Variants in SLC25A25 observed in about 807,000 individuals in gnomAD.
SLC25A25 encodes mitochondrial adenyl nucleotide antiporter SLC25A25.
SLC25A25 carries 32 observed loss-of-function variants against 57.7 expected under a neutral mutation model. That is an observed-to-expected ratio of 0.55 (90% CI 0.42 to 0.74). SLC25A25 has a LOEUF of 0.74. Among genes scored for constraint, SLC25A25 ranks in the 30% least tolerant of loss-of-function variants. The probability of loss-of-function intolerance (pLI) is 0.00; values close to 1 mark genes in which losing one functional copy is unlikely to be tolerated. For missense variants in SLC25A25, 556 were observed against 701.3 expected (o/e 0.79, Z 2.34); for synonymous variants, 306 against 291.2 (o/e 1.05, Z -0.52).
chr9:128,071,118 T>G (rs1564175758), intron 1 of SLC25A25, among the ~76,000 whole-genome samples: 1 of 152,240 alleles, frequency 6.6e-6, no homozygotes, highest in Non-Finnish European at 1.5e-5. Context: ...CCATGCTTTG[T>G]GCATCAACTA....
chr9:128,071,748 G>A (rs369059172), intron 1 of SLC25A25, among the ~76,000 whole-genome samples: 2 of 151,104 alleles, frequency 1.3e-5, no homozygotes, highest in African/African-American at 2.4e-5. Context: ...GAAGCAGTCC[G>A]CTCTGTCGCC....
chr9:128,094,603 A>T (rs1049559300), intron 1 of SLC25A25: 6 of 152,222 alleles, frequency 3.9e-5, no homozygotes, highest in Admixed American at 2.6e-4. Flanking sequence ...AAGCTTCCTC[A>T]TATTAATATT....
intron 1 of SLC25A25, among the ~76,000 whole-genome samples, chr9:128,080,915 G>C (rs1833142818): frequency 6.6e-6 from 1 of 152,136 alleles, no homozygotes; most frequent in South Asian, 2.1e-4. Context: ...ATTGTAGGGG[G>C]GATCTTAGGG....
At chr9:128,100,242 C>G (rs375766577) in intron 1 of SLC25A25, among the ~76,000 whole-genome samples, 24 of 152,118 alleles carry the variant, frequency 1.6e-4, no homozygotes, top group African/African-American at 5.1e-4. Context: ...GCACGCCCTG[C>G]GGCCGGTGCT....
chr9:128,081,343 T>C lies in SLC25A25; in HGVS notation c.261+12763T>C, dbSNP rs1277107299. Among the ~76,000 whole-genome samples, 4 of 152,226 alleles carry C rather than the reference T, an allele frequency of 2.6e-5. No individual in the cohort carries two copies. In the South Asian group the frequency reaches 8.3e-4, roughly 31 times the overall value. Reference sequence around the variant, plus strand: ...GTGAGTGCAATCCTGAGATCTGTTTTCAGAAACTAAAAACATTTTATGTTG... The same window carrying C: ...GTGAGTGCAATCCTGAGATCTGTTTCCAGAAACTAAAAACATTTTATGTTG... On this transcript the variant is annotated intron_variant, in intron 1 of 10. Coordinates refer to ENST00000373069, the MANE Select transcript of SLC25A25 (RefSeq NM_001330988.2).
chr9:128,098,853 A>G (rs1833662213), intron 1 of SLC25A25: 1 of 1,505,224 alleles, frequency 6.6e-7, no homozygotes, highest in Non-Finnish European at 8.8e-7. Flanking sequence ...GTTTTTTCCC[A>G]TTGCCATGCG....
chr9:128,073,025 A>G (rs747724423), intron 1 of SLC25A25, among the ~76,000 whole-genome samples: 6 of 152,222 alleles, frequency 3.9e-5, no homozygotes, highest in Middle Eastern at 3.2e-3. Flanking sequence ...CATCCACACC[A>G]TCTCTTTTGA....
intron 1 of SLC25A25, among the ~76,000 whole-genome samples, chr9:128,070,875 G>A (rs937933835): frequency 1.8e-4 from 27 of 151,020 alleles, no homozygotes; most frequent in African/African-American, 3.2e-4. Flanking sequence ...GCTTGAACCC[G>A]GGAGGCGGAG....
intron 1 of SLC25A25, among the ~76,000 whole-genome samples, chr9:128,090,809 C>CTCAA (rs534661405): frequency 3.6e-4 from 55 of 152,316 alleles, no homozygotes; most frequent in African/African-American, 1.0e-3. Context: ...GAGACTCCAT[C>CTCAA]TCAATCAATC....
At chr9:128,072,283 C>A (rs1320866590) in intron 1 of SLC25A25, among the ~76,000 whole-genome samples, 1 of 152,156 alleles carries the variant, frequency 6.6e-6, no homozygotes, top group Non-Finnish European at 1.5e-5. Context: ...TGAGGCTTTG[C>A]AGAACTAGCA....
At position 128,101,910 on chromosome 9, in the gene SLC25A25, A is replaced by G. The variant is rs1588785077; in HGVS notation, c.477-170A>G. Reference sequence around the variant, plus strand: ...CTTCCGGAAACCCTGCGGTCTGAACACTGGCTGGTCCTCGGGGACAGCAGC... The same window carrying G: ...CTTCCGGAAACCCTGCGGTCTGAACGCTGGCTGGTCCTCGGGGACAGCAGC... On this transcript the variant is annotated intron_variant, in intron 3 of 10. Coordinates refer to ENST00000373069, the MANE Select transcript of SLC25A25 (RefSeq NM_001330988.2). The surrounding 1 kb of genome is among the most constrained non-coding windows in gnomAD (Gnocchi z 4.9). Among the ~76,000 whole-genome samples, 1 of 152,282 alleles carries G rather than the reference A, an allele frequency of 6.6e-6. No individual in the cohort carries two copies. The highest frequency in any genetic ancestry group is 2.1e-4 in the South Asian group (1 of 4,828).
chr9:128,070,723 G>A (rs187767376), intron 1 of SLC25A25, among the ~76,000 whole-genome samples: 13 of 151,284 alleles, frequency 8.6e-5, no homozygotes, highest in Admixed American at 4.6e-4. Context: ...AGGCCAAGCC[G>A]GGTGGATCAC....
intron 1 of SLC25A25, chr9:128,098,337 C>A: frequency 1.5e-6 from 1 of 688,526 alleles, no homozygotes; most frequent in Non-Finnish European, 2.1e-6. Context: ...GTGCCTCTCA[C>A]TTGAGCAACC....
At chr9:128,085,131 A>G (rs1833247287) in intron 1 of SLC25A25, among the ~76,000 whole-genome samples, 1 of 152,180 alleles carries the variant, frequency 6.6e-6, no homozygotes, top group South Asian at 2.1e-4. Flanking sequence ...AGAGCTCAAG[A>G]CCATCCTGGC....
intron 1 of SLC25A25, among the ~76,000 whole-genome samples, chr9:128,079,847 C>T (rs982163216): frequency 9.9e-5 from 15 of 151,906 alleles, no homozygotes; most frequent in Non-Finnish European, 1.6e-4. Context: ...AAAAATTAGC[C>T]GGGTATGGTG....
chr9:128,091,571 C>T (rs1833407295), intron 1 of SLC25A25: 1 of 1,045,100 alleles, frequency 9.6e-7, no homozygotes. Context: ...TAAAAAAAAG[C>T]CAAACGTTTG....
intron 1 of SLC25A25, among the ~76,000 whole-genome samples, chr9:128,072,706 G>A (rs1167233394): frequency 6.6e-6 from 1 of 152,152 alleles, no homozygotes; most frequent in African/African-American, 2.4e-5. Flanking sequence ...ACAAAAAAAG[G>A]GAAGAGTTCA....
chr9:128,090,777 G>A lies in SLC25A25; in HGVS notation c.262-10319G>A, dbSNP rs143384765. Among the ~76,000 whole-genome samples, 282 of 152,258 alleles carry A rather than the reference G, an allele frequency of 1.9e-3. 1 individual carries two copies. The highest frequency in any genetic ancestry group is 6.6e-3 in the African/African-American group (275 of 41,552). ...CGTTGAGCCAAGAGCGACCCACTGC[G>A]CTCCAGCCTGGATGACAGAGCGAGA... On this transcript the variant is annotated intron_variant, in intron 1 of 10. Transcript: ENST00000373069.
intron 1 of SLC25A25, among the ~76,000 whole-genome samples, chr9:128,077,516 T>TAAAAAAAAAAA (rs567869070): frequency 2.0e-4 from 20 of 100,356 alleles, no homozygotes; most frequent in African/African-American, 8.9e-4. Flanking sequence ...GACTCCGTCT[T>TAAAAAAAAAAA]AAAAAAAAAA....
Sources: gnomAD v4.1 joint callset for allele counts (sites outside exome capture counted in the v4.1 genomes callset) on GRCh38, gnomAD v4.1.1 for gene constraint, Gnocchi (gnomAD v3.1) non-coding constraint, MANE v1.5 for transcripts, NCBI Gene and HGNC (gene_info 2026-07-23, HGNC 2026-07-21) for gene names.